FOXP1: variants seen among roughly 807,000 people sequenced by gnomAD.
FOXP1 encodes forkhead box P1, also known as forkhead box protein P1.
In FOXP1, 15 loss-of-function variants were observed where a neutral mutation model predicts 98.2. That is an observed-to-expected ratio of 0.15 (90% confidence interval 0.10 to 0.24). The LOEUF (loss-of-function observed/expected upper bound fraction) is 0.24. Among genes scored for constraint, FOXP1 ranks in the 10% least tolerant of loss-of-function variants. The probability of loss-of-function intolerance (pLI) is 1.00; values close to 1 mark genes in which losing one functional copy is unlikely to be tolerated. For missense variants in FOXP1, 633 were observed against 848.5 expected, an observed-to-expected ratio of 0.75 and a Z score of 3.15; for synonymous variants, 371 against 314.5, an observed-to-expected ratio of 1.18 and a Z score of -1.90.
intron 6 of FOXP1, among the ~76,000 whole-genome samples, chr3:71,183,089 C>A (rs891220475): frequency 6.6e-6 from 1 of 152,102 alleles, no homozygotes; most frequent in East Asian, 1.9e-4. Flanking sequence ...ATTGTAAATA[C>A]CATTACAATG....
chr3:71,583,823 G>GGCA, upstream of FOXP1: 1 of 987,554 alleles, frequency 1.0e-6, no homozygotes, highest in Non-Finnish European at 1.2e-6. Flanking sequence ...CGGCGGCGGC[G>GGCA]GCAGAGGCGC....
At chr3:71,409,175 T>G (rs2082550648) in intron 3 of FOXP1, among the ~76,000 whole-genome samples, 1 of 152,204 alleles carries the variant, frequency 6.6e-6, no homozygotes, top group Non-Finnish European at 1.5e-5. Flanking sequence ...ACTATCTTTT[T>G]CTTTCTTAAT....
intron 5 of FOXP1, chr3:71,289,664 T>G (rs2072543671): frequency 6.6e-6 from 1 of 152,166 alleles, no homozygotes; most frequent in Non-Finnish European, 1.5e-5. Context: ...TTTACTTTTT[T>G]GAGACAGAGT....
chr3:71,189,321 G>A (rs1356871812), intron 6 of FOXP1, among the ~76,000 whole-genome samples: 1 of 152,142 alleles, frequency 6.6e-6, no homozygotes, highest in East Asian at 1.9e-4. Flanking sequence ...CATGATCAAT[G>A]GGAACACAAG....
intron 4 of FOXP1, among the ~76,000 whole-genome samples, chr3:71,329,585 G>GA (rs71875262): frequency 0.034 from 4,824 of 140,596 alleles, 275 homozygotes; most frequent in African/African-American, 0.12. Flanking sequence ...GCAAAATGTT[G>GA]AAAAAAAAAA....
At chr3:71,098,420 G>A (rs1219522135) in intron 7 of FOXP1, among the ~76,000 whole-genome samples, 1 of 152,246 alleles carries the variant, frequency 6.6e-6, no homozygotes, top group East Asian at 1.9e-4. Context: ...CGCACTACAG[G>A]AATGTTCTGA....
chr3:71,446,033 A>C (rs2086384701), intron 3 of FOXP1, among the ~76,000 whole-genome samples: 1 of 128,994 alleles, frequency 7.8e-6, no homozygotes, highest in Non-Finnish European at 1.7e-5. Context: ...AAAACAACTC[A>C]TAGGTGAGTG....
At chr3:70,998,364 T>A (rs1272439238) in intron 13 of FOXP1, among the ~76,000 whole-genome samples, 1 of 152,206 alleles carries the variant, frequency 6.6e-6, no homozygotes, top group African/African-American at 2.4e-5. Context: ...CACGAAATAA[T>A]GTTCTTCAGA....
rs150636314 is a variant in FOXP1 at position 71,259,819 on chromosome 3, G to T, written c.-12+40001C>A. On this transcript the variant is annotated intron_variant, in intron 5 of 20. Coordinates refer to ENST00000649528, the MANE Select transcript of FOXP1 (RefSeq NM_001349338.3). ...GATGTGGATGCCACCTGCTAGTTAC[G>T]TATAAAGTCCCTTAAGACAAGTGAG... Among the ~76,000 whole-genome samples the T allele has an allele frequency of 6.7e-3, 1,018 of 152,290 alleles. 15 individuals are homozygous for T. Among genetic ancestry groups the T allele is most frequent in the African/African-American group, 0.024 (983 of 41,558 alleles).
intron 2 of FOXP1, among the ~76,000 whole-genome samples, chr3:71,553,667 AAC>A (rs1165484702): frequency 1.3e-5 from 2 of 152,222 alleles, no homozygotes; most frequent in Non-Finnish European, 2.9e-5. Context: ...TAAAATTTCC[AAC>A]AGAGTCTGAA....
At chr3:71,260,422 C>T (rs370949300) in intron 5 of FOXP1, among the ~76,000 whole-genome samples, 8 of 152,132 alleles carry the variant, frequency 5.3e-5, no homozygotes, top group East Asian at 3.9e-4. Flanking sequence ...AACTATTTCA[C>T]ATGGTAGTGC....
intron 7 of FOXP1, among the ~76,000 whole-genome samples, chr3:71,062,797 T>G (rs2051725094): frequency 6.6e-6 from 1 of 152,210 alleles, no homozygotes; most frequent in Non-Finnish European, 1.5e-5. Flanking sequence ...CCCATTACTT[T>G]CCTTCTATAA....
chr3:71,002,784 C>T (rs2042280893), intron 12 of FOXP1, among the ~76,000 whole-genome samples: 1 of 152,114 alleles, frequency 6.6e-6, no homozygotes, highest in South Asian at 2.1e-4. Flanking sequence ...TCAAGAGATC[C>T]CAAGAGACTT....
chr3:71,085,016 A>ATTT (rs2107551867), intron 7 of FOXP1, among the ~76,000 whole-genome samples: 1 of 152,324 alleles, frequency 6.6e-6, no homozygotes, highest in Non-Finnish European at 1.5e-5. Context: ...TGGGCATAAA[A>ATTT]TAGTCATTCC....
chr3:71,448,231 G>C (rs1180904985), intron 3 of FOXP1, among the ~76,000 whole-genome samples: 1 of 152,144 alleles, frequency 6.6e-6, no homozygotes, highest in African/African-American at 2.4e-5. Flanking sequence ...GATTCCCACT[G>C]CTTCCTTTCC....
chr3:71,556,099 T>C (rs1004587372), intron 2 of FOXP1, among the ~76,000 whole-genome samples: 5 of 152,106 alleles, frequency 3.3e-5, no homozygotes, highest in African/African-American at 7.2e-5. Flanking sequence ...ATATGTAATA[T>C]GTATTAAAGT....
chr3:71,457,340 C>T (rs748822445), intron 3 of FOXP1, among the ~76,000 whole-genome samples: 1 of 152,120 alleles, frequency 6.6e-6, no homozygotes, highest in African/African-American at 2.4e-5. Flanking sequence ...AGGTAAATTA[C>T]AATTACTGTG....
chr3:71,227,200 C>T (rs933290056), intron 5 of FOXP1, among the ~76,000 whole-genome samples: 8 of 152,078 alleles, frequency 5.3e-5, no homozygotes, highest in Admixed American at 4.6e-4. Context: ...ATGGTGACAT[C>T]GGGCAGCTTT....
At chr3:71,255,608 T>C (rs2107116631) in intron 5 of FOXP1, among the ~76,000 whole-genome samples, 2 of 152,278 alleles carry the variant, frequency 1.3e-5, no homozygotes, top group South Asian at 4.1e-4. Flanking sequence ...GGGAGATGCT[T>C]CCAGGGTAAA....
Sources: allele counts gnomAD v4.1 joint callset (sites outside exome capture counted in the v4.1 genomes callset), GRCh38; gene constraint gnomAD v4.1.1; transcripts MANE v1.5; gene names NCBI Gene and HGNC (gene_info 2026-07-23, HGNC 2026-07-21).